UACA: variants seen among roughly 807,000 people sequenced by gnomAD.
UACA encodes the protein uveal autoantigen with coiled-coil domains and ankyrin repeats.
A neutral mutation model predicts 160.5 loss-of-function variants in UACA; 112 were observed. The observed-to-expected ratio is 0.70, with a 90% confidence interval of 0.60 to 0.82. The LOEUF is 0.82. Among genes scored for constraint, UACA ranks in the 40% least tolerant of loss-of-function variants. The probability of loss-of-function intolerance (pLI) is 0.00; values close to 1 mark genes in which losing one functional copy is unlikely to be tolerated. For missense variants in UACA, 1,574 were observed against 1,614.6 expected (o/e 0.97, Z 0.43); for synonymous variants, 557 against 568.4 (o/e 0.98, Z 0.29).
At chr15:70,661,486 C>T (rs1896703668) in intron 17 of UACA, 1 of 152,110 alleles carries the variant, frequency 6.6e-6, no homozygotes, top group Admixed American at 6.6e-5. Flanking sequence ...TCCAAATCCA[C>T]AATTTGCCAT....
At chr15:70,701,959 AT>A (rs757709855) in intron 1 of UACA, 53 of 1,608,050 alleles carry the variant, frequency 3.3e-5, no homozygotes, top group Non-Finnish European at 4.1e-5. Context: ...ACTACTTTGC[AT>A]TAAGTTACAA....
chr15:70,667,971 C>T lies in UACA; in HGVS notation c.2713G>A (p.Glu905Lys). ...QEFVKIKDKNEILKRNLENTQ... is the reference protein window; with the variant it reads ...QEFVKIKDKNKILKRNLENTQ... ...TTTTCCAGGTTTCTTTTTAATATTT[C>T]ATTCTTATCTTTTATTTTTACAAAT... Residue 905 changes from glutamate to lysine, a missense_variant, in exon 16 of 19, where the codon GAA becomes AAA. Transcript: ENST00000322954. The T allele has an allele frequency of 1.2e-6, 2 of 1,602,728 alleles. No homozygotes were observed. The highest frequency in any genetic ancestry group is 2.3e-5 in the South Asian group (2 of 88,794).
chr15:70,686,343 G>A (rs1462287007), intron 7 of UACA, among the ~76,000 whole-genome samples: 1 of 151,890 alleles, frequency 6.6e-6, no homozygotes, highest in Non-Finnish European at 1.5e-5. Context: ...CAGAATGTCA[G>A]GACATTTCAA....
chr15:70,678,537 C>T (rs1488247724), intron 10 of UACA, among the ~76,000 whole-genome samples: 2 of 152,090 alleles, frequency 1.3e-5, no homozygotes, highest in African/African-American at 4.8e-5. Flanking sequence ...CTTAAGACCT[C>T]CCAAATTTAT....
intron 13 of UACA, among the ~76,000 whole-genome samples, chr15:70,672,824 G>T (rs572069273): frequency 6.6e-6 from 1 of 152,276 alleles, no homozygotes; most frequent in Admixed American, 6.5e-5. Context: ...GCTGGGTGCG[G>T]TGGCTCATGC....
chr15:70,703,955 G>C (rs569518309), intron 1 of UACA, among the ~76,000 whole-genome samples: 1 of 151,960 alleles, frequency 6.6e-6, no homozygotes, highest in African/African-American at 2.4e-5. Flanking sequence ...AAACGGCCCC[G>C]TGTCCCACTC....
At chr15:70,763,263 C>A in intron 1 of UACA, 67 bp downstream of exon 1, 1 of 1,285,956 alleles carries the variant, frequency 7.8e-7, no homozygotes, top group Non-Finnish European at 9.9e-7. Context: ...CGCGCGAACT[C>A]GCCAGCAAAG....
intron 15 of UACA, among the ~76,000 whole-genome samples, 155 bp from the exon 16 acceptor site, chr15:70,669,617 T>C (rs78114387): frequency 0.016 from 2,488 of 152,280 alleles, 60 homozygotes; most frequent in African/African-American, 0.058. Flanking sequence ...AATGCTGATT[T>C]TTGTGGTAAG....
chr15:70,721,964 T>C (rs1320407090), intron 1 of UACA, among the ~76,000 whole-genome samples: 1 of 152,234 alleles, frequency 6.6e-6, no homozygotes, highest in African/African-American at 2.4e-5. Context: ...TTCCATGAAC[T>C]CAGTTCTAAG....
upstream of UACA, among the ~76,000 whole-genome samples, chr15:70,766,866 C>T (rs143472294): frequency 2.6e-4 from 40 of 152,240 alleles, no homozygotes; most frequent in East Asian, 4.6e-3. Context: ...AGAACACAGT[C>T]GACAGATGCT....
chr15:70,677,134 T>A lies in UACA; in HGVS notation c.1006A>T (p.Met336Leu). 4 of 1,602,138 alleles carry A rather than the reference T, an allele frequency of 2.5e-6. No individual in the cohort carries two copies. Among genetic ancestry groups the A allele is most frequent in the Non-Finnish European group, 3.4e-6 (4 of 1,173,700 alleles). Residue 336 changes from methionine to leucine, a missense_variant, in exon 12 of 19, where the codon ATG (methionine) becomes TTG (leucine). Coordinates refer to ENST00000322954, the MANE Select transcript of UACA (RefSeq NM_018003.4). ...TCGCTTTCCAGATCATCAGCAACCA[T>A]AACTTCCTAAATTTAAAAAGAACAC... Reference protein sequence around the residue: ...GLQLQLNEEVMVADDLESERE... With the variant: ...GLQLQLNEEVLVADDLESERE...
intron 1 of UACA, among the ~76,000 whole-genome samples, chr15:70,742,967 A>G (rs1158538965): frequency 6.6e-6 from 1 of 152,172 alleles, no homozygotes; most frequent in African/African-American, 2.4e-5. Flanking sequence ...TGATCTCTCA[A>G]GGCCAAAATC....
In UACA at chr15:70,657,298, T is replaced by A. The variant is rs183123174; in HGVS notation, c.4180-171A>T. 2.3e-3 allele frequency among the ~76,000 whole-genome samples: 346 copies of A among 152,062 alleles called. 1 individual carries two copies. Among genetic ancestry groups the A allele is most frequent in the Non-Finnish European group, 3.7e-3 (254 of 68,018 alleles). On this transcript the variant is annotated intron_variant, in intron 18 of 18. Coordinates refer to ENST00000322954, the MANE Select transcript of UACA (RefSeq NM_018003.4). The stretch of plus-strand genomic sequence containing the variant: ...TGGAAAAGGGAGTACAGCCCTATCA[T>A]GAAAATAAGATCAATTAATAAGGAG...
At chr15:70,735,322 G>C (rs1224970987) in intron 1 of UACA, among the ~76,000 whole-genome samples, 1 of 151,460 alleles carries the variant, frequency 6.6e-6, no homozygotes, top group Non-Finnish European at 1.5e-5. Flanking sequence ...TAACAAACAT[G>C]CATATGTACC....
At chr15:70,720,701 T>C (rs980762539) in intron 1 of UACA, among the ~76,000 whole-genome samples, 1 of 152,246 alleles carries the variant, frequency 6.6e-6, no homozygotes, top group Non-Finnish European at 1.5e-5. Context: ...ATATTTTGTA[T>C]GCCGAAGCAA....
Position 70,675,956 on chromosome 15 carries a change from T to C in UACA, c.1131+537A>G, listed in dbSNP as rs114734316. 2.2e-3 allele frequency among the ~76,000 whole-genome samples: 332 copies of C among 152,184 alleles called. 1 individual carries two copies. Among genetic ancestry groups the C allele is most frequent in the African/African-American group, 7.7e-3 (321 of 41,510 alleles). ...TCTTGGACTTTCCAGCCTCCAGAAA[T>C]GGGAGAAATAAATTTGTTCTTTATA... is the stretch of plus-strand genomic sequence containing the variant. On this transcript the variant is annotated intron_variant, in intron 13 of 18. Transcript: ENST00000322954.
At chr15:70,670,952 G>T in intron 15 of UACA, 87 bp downstream of exon 15, 2 of 740,196 alleles carry the variant, frequency 2.7e-6, no homozygotes, top group Non-Finnish European at 2.1e-6. Flanking sequence ...TATACTTAAT[G>T]TACAATGCCG....
At chr15:70,695,540 C>A (rs1245072792) in intron 2 of UACA, among the ~76,000 whole-genome samples, 1 of 152,112 alleles carries the variant, frequency 6.6e-6, no homozygotes, top group Non-Finnish European at 1.5e-5. Context: ...AAACACTTAC[C>A]TTTTCTCTTT....
At chr15:70,721,136 T>C (rs1379624383) in intron 1 of UACA, among the ~76,000 whole-genome samples, 1 of 152,154 alleles carries the variant, frequency 6.6e-6, no homozygotes, top group East Asian at 1.9e-4. Context: ...AGGAATGGCG[T>C]TACATACAAG....
Sources: allele counts gnomAD v4.1 joint callset (sites outside exome capture counted in the v4.1 genomes callset), GRCh38; gene constraint gnomAD v4.1.1; transcripts MANE v1.5; gene names NCBI Gene and HGNC (gene_info 2026-07-23, HGNC 2026-07-21).